The following PDS5A variants were observed in gnomAD, a reference collection of about 807,000 sequenced individuals.
The protein encoded by PDS5A is PDS5 cohesin associated factor A.
Under a neutral mutation model 167.1 loss-of-function variants are expected in PDS5A, and 42 were observed. That is an observed-to-expected ratio of 0.25 (90% CI 0.20 to 0.33). PDS5A has a LOEUF of 0.33. Among genes scored for constraint, PDS5A ranks in the 10% least tolerant of loss-of-function variants. PDS5A has a pLI of 1.00. For missense variants in PDS5A, 1,033 were observed against 1,605.9 expected (o/e 0.64, Z 6.10); for synonymous variants, 553 against 554.6 (o/e 1.00, Z 0.04).
chr4:39,844,988 A>C (rs989691589), intron 29 of PDS5A, among the ~76,000 whole-genome samples, 187 bp from the exon 30 acceptor site: 1 of 152,166 alleles, frequency 6.6e-6, no homozygotes, highest in Admixed American at 6.6e-5. Context: ...GAGGTGGATC[A>C]CTTGAGGCCA....
intron 2 of PDS5A, among the ~76,000 whole-genome samples, chr4:39,971,377 C>T (rs181448249): frequency 2.0e-5 from 3 of 152,028 alleles, no homozygotes; most frequent in Admixed American, 6.6e-5. Flanking sequence ...AGGATGGTCT[C>T]GATCTCCTGA....
intron 32 of PDS5A, among the ~76,000 whole-genome samples, chr4:39,835,528 T>C (rs2109477459): frequency 6.6e-6 from 1 of 152,276 alleles, no homozygotes; most frequent in South Asian, 2.1e-4. Flanking sequence ...TTTTTTTGTC[T>C]TTCTGTTTTT....
chr4:39,857,396 A>G (rs1005603214), intron 26 of PDS5A, among the ~76,000 whole-genome samples: 1 of 152,002 alleles, frequency 6.6e-6, no homozygotes, highest in Non-Finnish European at 1.5e-5. Flanking sequence ...AACTTTTACA[A>G]AAGAGAAGTC....
chr4:39,875,710 T>C (rs1437327936), intron 19 of PDS5A, among the ~76,000 whole-genome samples: 15 of 152,170 alleles, frequency 9.9e-5, no homozygotes, highest in Non-Finnish European at 2.1e-4. Flanking sequence ...ACAGACTTCC[T>C]TGACTGAGTA....
intron 2 of PDS5A, among the ~76,000 whole-genome samples, chr4:39,930,080 T>C (rs1486233969): frequency 4.6e-5 from 7 of 150,850 alleles, no homozygotes; most frequent in Non-Finnish European, 7.4e-5. Context: ...CCGGGCACAG[T>C]AGCACACAAC....
In PDS5A at chr4:39,868,817, A is replaced by G. The variant is rs570043767; in HGVS notation, c.2505+577T>C. ...ACCAGGAAAAATGAATTGATAGAAT[A>G]TATGATGATGATGAAGCAACACAAA... On this transcript the variant is annotated intron_variant, in intron 22 of 32. Transcript: ENST00000303538. The G allele has an allele frequency of 6.0e-5, 23 of 385,522 alleles. 1 individual carries two copies. Among genetic ancestry groups the G allele is most frequent in the South Asian group, 4.5e-4 (23 of 50,948 alleles). The allele number at this position is 385,522 out of a possible 1,614,324, so 23.9% of individuals were successfully genotyped here. A position where few individuals can be genotyped will look rare whatever the true frequency, so the allele number is the denominator to read the frequency against.
chr4:39,900,354 A>T, intron 14 of PDS5A, 72 bp downstream of exon 14: 1 of 889,492 alleles, frequency 1.1e-6, no homozygotes, highest in Non-Finnish European at 1.8e-6. Context: ...TCCCTGCTTC[A>T]TTACGTAGAA....
chr4:39,827,960 T>A (rs1283777447), intron 32 of PDS5A, among the ~76,000 whole-genome samples: 1 of 152,166 alleles, frequency 6.6e-6, no homozygotes, highest in South Asian at 2.1e-4. Flanking sequence ...CGGGAACTGT[T>A]TGCCCTCTGA....
At chr4:39,890,128 C>T (rs1721835672) in intron 17 of PDS5A, 121 bp downstream of exon 17, 1 of 581,912 alleles carries the variant, frequency 1.7e-6, no homozygotes, top group Non-Finnish European at 3.0e-6. Context: ...ATGTACAACC[C>T]TGTGATTAAA....
Position 39,863,443 on chromosome 4 carries a change from G to C in PDS5A, c.2659C>G (p.Arg887Gly). ...GCACTACCAGCAGCTAATCGCAAGC[G>C]AGACATATCAGATTTACTATAAACA... ...QKRISKSDMSRLRLAAGSAIM... is the reference protein window; with the variant it reads ...QKRISKSDMSGLRLAAGSAIM... The change falls in exon 24 of 33, where the codon CGC becomes GGC. Residue 887 changes from arginine to glycine, a missense_variant. This residue lies in a region of PDS5A where 367 missense variants were observed against 686.7 expected (regional missense o/e 0.53). Coordinates refer to ENST00000303538, the MANE Select transcript of PDS5A (RefSeq NM_001100399.2). 1 of 1,601,474 alleles carries C rather than the reference G, an allele frequency of 6.2e-7. No homozygotes were observed. The highest frequency in any genetic ancestry group is 8.5e-7 in the Non-Finnish European group (1 of 1,174,116).
intron 2 of PDS5A, among the ~76,000 whole-genome samples, chr4:39,949,890 T>C (rs933554348): frequency 2.0e-5 from 3 of 149,064 alleles, no homozygotes; most frequent in African/African-American, 7.4e-5. Flanking sequence ...TTTGTGATGA[T>C]ACTAAAAACA....
At chr4:39,898,177 C>G in intron 16 of PDS5A, 1 of 1,249,572 alleles carries the variant, frequency 8.0e-7, no homozygotes, top group Non-Finnish European at 1.0e-6. Flanking sequence ...AGACCAATCT[C>G]CCTGGCTTAG....
chr4:39,964,285 G>A (rs567548119), intron 2 of PDS5A, among the ~76,000 whole-genome samples: 20 of 152,268 alleles, frequency 1.3e-4, no homozygotes, highest in African/African-American at 4.8e-4. Flanking sequence ...GAAGTACTCT[G>A]TGCTAGAGGT....
chr4:39,917,558 A>G (rs964839146), intron 7 of PDS5A, among the ~76,000 whole-genome samples: 17 of 152,078 alleles, frequency 1.1e-4, no homozygotes, highest in Non-Finnish European at 1.9e-4. Context: ...GAAAAATTAC[A>G]AAGTCTCAAT....
chr4:39,898,865 T>A (rs1305941325), intron 14 of PDS5A, 40 bp from the exon 15 acceptor site: 1 of 1,355,462 alleles, frequency 7.4e-7, no homozygotes, highest in Non-Finnish European at 1.0e-6. Flanking sequence ...ACTAGTCATA[T>A]GTGTTAACAA....
chr4:39,894,134 T>C (rs1040789030), intron 16 of PDS5A, among the ~76,000 whole-genome samples: 6 of 152,190 alleles, frequency 3.9e-5, no homozygotes, highest in African/African-American at 1.2e-4. Flanking sequence ...TTATTGGGCA[T>C]GGTGGATCAT....
intron 6 of PDS5A, among the ~76,000 whole-genome samples, chr4:39,920,775 C>T (rs962959473): frequency 2.6e-5 from 4 of 152,184 alleles, no homozygotes; most frequent in South Asian, 2.1e-4. Context: ...CCTGATCTAA[C>T]ACAACATGCT....
At chr4:39,947,083 GA>G (rs912790351) in intron 2 of PDS5A, among the ~76,000 whole-genome samples, 22 of 151,016 alleles carry the variant, frequency 1.5e-4, no homozygotes, top group Admixed American at 2.0e-4. Flanking sequence ...TCTCTATTGA[GA>G]AAAAAAAATT....
chr4:39,963,315 C>A (rs139068034), intron 2 of PDS5A, among the ~76,000 whole-genome samples: 2 of 151,840 alleles, frequency 1.3e-5, no homozygotes, highest in Non-Finnish European at 2.9e-5. Context: ...AAAATTTAGC[C>A]GGGCATGGTG....
Sources: gnomAD v4.1 joint callset for allele counts (sites outside exome capture counted in the v4.1 genomes callset) on GRCh38, gnomAD v4.1.1 for gene constraint, gnomAD v4.1.1 regional missense constraint, MANE v1.5 for transcripts, NCBI Gene and HGNC (gene_info 2026-07-23, HGNC 2026-07-21) for gene names.